The following XAF1 variants were observed in gnomAD, a reference collection of about 807,000 sequenced individuals.
XAF1 encodes XIAP-associated factor 1.
In XAF1, 32 loss-of-function variants were observed where a neutral mutation model predicts 32.3. That is an observed-to-expected ratio of 0.99 (90% CI 0.75 to 1.33). The LOEUF (loss-of-function observed/expected upper bound fraction) is 1.33. Among genes scored for constraint, XAF1 ranks in the 40% most tolerant of loss-of-function variants. XAF1 has a pLI of 0.00. For missense variants in XAF1, 379 were observed against 366.0 expected, an observed-to-expected ratio of 1.04 and a Z score of -0.29; for synonymous variants, 120 against 125.9, an observed-to-expected ratio of 0.95 and a Z score of 0.31.
At position 6,760,063 on chromosome 17, in the gene XAF1, T is replaced by C. The variant is rs115244729; in HGVS notation, c.226-343T>C. Among the ~76,000 whole-genome samples, 663 of 152,282 alleles carry C rather than the reference T, an allele frequency of 4.4e-3. 6 individuals carry two copies. The highest frequency in any genetic ancestry group is 0.015 in the African/African-American group (629 of 41,562). On this transcript the variant is annotated intron_variant, in intron 3 of 6. Transcript: ENST00000361842. ...ATCTGCCTACAGTCAAAGAGGCCAG[T>C]GATCGGCCAGGCGCAGTGGCACACG...
chr17:6,760,621 T>C lies in XAF1; in HGVS notation c.421+20T>C. 1 of 1,596,350 alleles carries C rather than the reference T, an allele frequency of 6.3e-7. No individual in the cohort carries two copies. The highest frequency in any genetic ancestry group is 8.6e-7 in the Non-Finnish European group (1 of 1,168,804). ...GGAAAGGTAAGCACACAAACTGGGG[T>C]GGAAGAGAGACGTTCCAAGGGCCAG... On this transcript the variant is annotated intron_variant, in intron 4 of 6. Transcript: ENST00000361842.
rs1975282877 is a variant in XAF1 at position 6,762,315 on chromosome 17, G to T, written c.507+75G>T. On this transcript the variant is annotated intron_variant, in intron 5 of 6. Coordinates refer to ENST00000361842, the MANE Select transcript of XAF1 (RefSeq NM_017523.5). ...TCTGAAAAGTGTGATAGGAAAGGCA[G>T]ATTCTGGGCCCAATTTTACATAGCA... 3 of 1,298,898 alleles carry T rather than the reference G, an allele frequency of 2.3e-6. No homozygotes were observed. In the East Asian group the frequency reaches 7.2e-5, roughly 31 times the overall value. The allele number at this position is 1,298,898 out of a possible 1,614,324, so 80.5% of individuals were successfully genotyped here.
rs1002046687 is a variant in XAF1, at chr17:6,774,588, T to C, written c.*1419T>C. On this transcript the variant is annotated 3_prime_UTR_variant, in exon 7 of 7. Transcript: ENST00000361842. Reference sequence around the variant, plus strand: ...CAAATGGGACATGATTAAACAGAATTACCATTTGACTCAGCAATCCCATTA... The same window carrying C: ...CAAATGGGACATGATTAAACAGAATCACCATTTGACTCAGCAATCCCATTA... 1.3e-5 allele frequency: 2 copies of C among 152,156 alleles called. No homozygotes were observed. Among genetic ancestry groups the C allele is most frequent in the African/African-American group, 4.8e-5 (2 of 41,434 alleles). The allele number at this position is 152,156 out of a possible 1,614,324, so 9.4% of individuals were successfully genotyped here. A position where few individuals can be genotyped will look rare whatever the true frequency, so the allele number is the denominator to read the frequency against.
chr17:6,764,879 G>A (rs1567655868), intron 5 of XAF1, among the ~76,000 whole-genome samples: 1 of 152,060 alleles, frequency 6.6e-6, no homozygotes, highest in East Asian at 1.9e-4. Flanking sequence ...TAAATCCAAT[G>A]CTCAGTTCTC....
chr17:6,772,986 C>A lies in XAF1; in HGVS notation c.850-127C>A, dbSNP rs143462722. The A allele has an allele frequency of 2.9e-3, 2,324 of 794,864 alleles. 14 individuals carry two copies. The highest frequency in any genetic ancestry group is 2.9e-3 in the Non-Finnish European group (1,477 of 509,736). The allele number at this position is 794,864 out of a possible 1,614,324, so 49.2% of individuals were successfully genotyped here. On this transcript the variant is annotated intron_variant, in intron 6 of 6. Transcript: ENST00000361842. The stretch of plus-strand genomic sequence containing the variant: ...CAGTGGGCTCCTGACCTTTTCTATG[C>A]CATTACACTCCAGTCTTTGGGCAGG...
At chr17:6,765,392 G>A (rs556524410) in intron 5 of XAF1, among the ~76,000 whole-genome samples, 10 of 152,218 alleles carry the variant, frequency 6.6e-5, no homozygotes, top group African/African-American at 1.2e-4. Context: ...CAGCCTGGGC[G>A]ACAGAGCGAG....
upstream of XAF1, chr17:6,755,725 GT>G (rs1285909705): frequency 1.8e-6 from 2 of 1,096,178 alleles, no homozygotes; most frequent in African/African-American, 3.2e-5. Flanking sequence ...GAGGTGGATG[GT>G]TTGGAAAAGG....
intron 5 of XAF1, among the ~76,000 whole-genome samples, chr17:6,765,033 G>T (rs577616983): frequency 1.4e-4 from 22 of 152,144 alleles, no homozygotes; most frequent in Admixed American, 1.2e-3. Flanking sequence ...TCTTAATTTT[G>T]GGGGGCCCCA....
chr17:6,769,461 T>A (rs1379817271), intron 5 of XAF1, among the ~76,000 whole-genome samples: 1 of 152,222 alleles, frequency 6.6e-6, no homozygotes, highest in Non-Finnish European at 1.5e-5. Flanking sequence ...CTGTTCTGTT[T>A]TTCATGAGAT....
At chr17:6,772,505 C>T (rs1976120342) in intron 6 of XAF1, among the ~76,000 whole-genome samples, 1 of 126,222 alleles carries the variant, frequency 7.9e-6, no homozygotes, top group Non-Finnish European at 1.6e-5. Flanking sequence ...GAGTCTCGCT[C>T]TGTCACCCAG....
intron 5 of XAF1, among the ~76,000 whole-genome samples, chr17:6,766,677 C>G (rs1229943569): frequency 6.6e-6 from 1 of 152,212 alleles, no homozygotes; most frequent in Non-Finnish European, 1.5e-5. Flanking sequence ...CTTTCTCCTA[C>G]AACTTTTTGT....
chr17:6,759,249 C>G, intron 2 of XAF1: 3 of 1,102,514 alleles, frequency 2.7e-6, no homozygotes, highest in Non-Finnish European at 3.3e-6. Flanking sequence ...CAATCCTTTC[C>G]CTACAGGCTT....
At chr17:6,767,290 T>C (rs1290175977) in intron 5 of XAF1, among the ~76,000 whole-genome samples, 2 of 152,206 alleles carry the variant, frequency 1.3e-5, no homozygotes, top group Non-Finnish European at 2.9e-5. Context: ...ACTCCCCAGA[T>C]ACAACAGTTG....
intron 4 of XAF1, 110 bp downstream of exon 4, chr17:6,760,711 C>A: frequency 9.1e-7 from 1 of 1,094,332 alleles, no homozygotes; most frequent in Non-Finnish European, 1.3e-6. Flanking sequence ...AGTGTATTTG[C>A]TGTATAGATC....
chr17:6,765,242 T>C (rs763243539), intron 5 of XAF1, among the ~76,000 whole-genome samples: 1 of 152,000 alleles, frequency 6.6e-6, no homozygotes, highest in Admixed American at 6.6e-5. Context: ...TGAACTCTCG[T>C]CTCTACTAAA....
chr17:6,758,910 G>A (rs1487394063), intron 2 of XAF1: 2 of 209,252 alleles, frequency 9.6e-6, no homozygotes, highest in Admixed American at 5.9e-5. Flanking sequence ...CTCCCTGCAG[G>A]AGAGATGGGG....
At chr17:6,768,109 CT>C (rs1402675817) in intron 5 of XAF1, among the ~76,000 whole-genome samples, 1 of 151,118 alleles carries the variant, frequency 6.6e-6, no homozygotes, top group Non-Finnish European at 1.5e-5. Flanking sequence ...TTTGTTTTTG[CT>C]TTTTTTCTTT....
At chr17:6,759,463 A>T in intron 2 of XAF1, 199 bp from the exon 3 acceptor site, 3 of 1,422,428 alleles carry the variant, frequency 2.1e-6, no homozygotes, top group African/African-American at 1.4e-5. Context: ...TTGCCAACTC[A>T]GACTGGTCTG....
intron 6 of XAF1, 185 bp downstream of exon 6, chr17:6,771,169 C>T: frequency 5.3e-6 from 3 of 570,138 alleles, no homozygotes; most frequent in Non-Finnish European, 9.0e-6. Context: ...ATTTGCATCA[C>T]CTCCGAGAGA....
Sources: gnomAD v4.1 joint callset for allele counts (sites outside exome capture counted in the v4.1 genomes callset) on GRCh38, gnomAD v4.1.1 for gene constraint, MANE v1.5 for transcripts, NCBI Gene and HGNC (gene_info 2026-07-23, HGNC 2026-07-21) for gene names.